Variants in OXR1 observed in about 807,000 individuals in gnomAD.
OXR1 encodes the protein oxidation resistance 1, also known as oxidation resistance protein 1.
A neutral mutation model predicts 104.6 loss-of-function variants in OXR1; 41 were observed. The ratio of observed to expected loss-of-function variants is 0.39; its 90% CI spans 0.31 to 0.51. The LOEUF is 0.51. Ranked by LOEUF, OXR1 falls within the 20% of genes least tolerant of loss-of-function variation. The probability of loss-of-function intolerance (pLI) is 0.77; values close to 1 mark genes in which losing one functional copy is unlikely to be tolerated. For missense variants in OXR1, 955 were observed against 1,031.9 expected (o/e 0.93, Z 1.02); for synonymous variants, 348 against 348.4 (o/e 1.00, Z 0.01).
intron 2 of OXR1, among the ~76,000 whole-genome samples, chr8:106,486,444 C>T (rs1409918397): frequency 6.6e-6 from 1 of 151,974 alleles, no homozygotes; most frequent in Non-Finnish European, 1.5e-5. Context: ...AGAAGTAAGA[C>T]ATATTAAGGA....
At chr8:106,309,979 C>T (rs926939963) in intron 1 of OXR1, among the ~76,000 whole-genome samples, 8 of 151,848 alleles carry the variant, frequency 5.3e-5, no homozygotes, top group African/African-American at 1.9e-4. Context: ...CGGTTTACCT[C>T]TGTGATTCTG....
chr8:106,292,199 A>C (rs932678952), intron 1 of OXR1, among the ~76,000 whole-genome samples: 3 of 152,164 alleles, frequency 2.0e-5, no homozygotes, highest in African/African-American at 7.2e-5. Flanking sequence ...TACTATTCAT[A>C]ATGGCCCCAA....
chr8:106,746,587 T>C (rs1432891306), intron 16 of OXR1, among the ~76,000 whole-genome samples: 1 of 152,210 alleles, frequency 6.6e-6, no homozygotes. Flanking sequence ...TGAGGATATA[T>C]AATGATAATT....
At chr8:106,339,557 A>T (rs1401518027) in intron 1 of OXR1, among the ~76,000 whole-genome samples, 8 of 125,176 alleles carry the variant, frequency 6.4e-5, no homozygotes, top group African/African-American at 1.6e-4. Flanking sequence ...TATATATATA[A>T]AACGAAATCA....
chr8:106,315,582 G>A (rs996276588), intron 1 of OXR1, among the ~76,000 whole-genome samples: 3 of 152,164 alleles, frequency 2.0e-5, no homozygotes, highest in African/African-American at 2.4e-5. Flanking sequence ...TCAGAAAAGC[G>A]GTTATTCATT....
intron 1 of OXR1, among the ~76,000 whole-genome samples, chr8:106,357,459 C>T (rs1377612541): frequency 6.6e-6 from 1 of 151,958 alleles, no homozygotes; most frequent in Non-Finnish European, 1.5e-5. Flanking sequence ...ACTGGCAGGC[C>T]AATATTATTA....
chr8:106,697,544 C>T, intron 7 of OXR1: 1 of 1,611,640 alleles, frequency 6.2e-7, no homozygotes, highest in Non-Finnish European at 8.5e-7. Flanking sequence ...CGAGGATTCT[C>T]CTTGGATTTC....
intron 11 of OXR1, among the ~76,000 whole-genome samples, chr8:106,726,747 A>C (rs1833382717): frequency 6.6e-6 from 1 of 152,140 alleles, no homozygotes; most frequent in Non-Finnish European, 1.5e-5. Flanking sequence ...ATCTGACTAA[A>C]AGGTTTTTTA....
intron 3 of OXR1, among the ~76,000 whole-genome samples, chr8:106,676,181 CTTTA>C (rs1266981530): frequency 6.6e-6 from 1 of 151,928 alleles, no homozygotes; most frequent in Non-Finnish European, 1.5e-5. Flanking sequence ...TTCTGCGTAC[CTTTA>C]TTTTGAGCCT....
chr8:106,616,765 T>A (rs961515091), intron 3 of OXR1, among the ~76,000 whole-genome samples: 1 of 152,238 alleles, frequency 6.6e-6, no homozygotes, highest in East Asian at 1.9e-4. Flanking sequence ...TGTCACTTCA[T>A]CACCTTGTAC....
intron 3 of OXR1, among the ~76,000 whole-genome samples, chr8:106,613,025 G>A (rs753043595): frequency 6.6e-6 from 1 of 152,072 alleles, no homozygotes; most frequent in African/African-American, 2.4e-5. Flanking sequence ...GAAAACAGGA[G>A]GCAAGTTGAC....
chr8:106,657,959 C>G (rs1364801212), intron 3 of OXR1: 1 of 1,248,340 alleles, frequency 8.0e-7, no homozygotes, highest in Non-Finnish European at 1.0e-6. Context: ...CTCCTGGGCC[C>G]CAGTTCCGCG....
At chr8:106,606,373 T>G (rs1465848236) in intron 3 of OXR1, among the ~76,000 whole-genome samples, 1 of 151,978 alleles carries the variant, frequency 6.6e-6, no homozygotes, top group Non-Finnish European at 1.5e-5. Context: ...TAATCTCGGA[T>G]CACTGCAACC....
At chr8:106,326,678 C>G (rs1586526935) in intron 1 of OXR1, among the ~76,000 whole-genome samples, 1 of 152,164 alleles carries the variant, frequency 6.6e-6, no homozygotes, top group East Asian at 1.9e-4. Flanking sequence ...AAAGAGCATT[C>G]CAGGCAGAGG....
intron 3 of OXR1, among the ~76,000 whole-genome samples, chr8:106,658,440 G>T (rs1475130373): frequency 6.6e-6 from 1 of 152,150 alleles, no homozygotes; most frequent in Admixed American, 6.5e-5. Flanking sequence ...ACCTAGACTT[G>T]ATTTTCTTTC....
intron 2 of OXR1, among the ~76,000 whole-genome samples, chr8:106,390,008 G>A (rs1460445300): frequency 6.6e-6 from 1 of 152,142 alleles, no homozygotes; most frequent in Admixed American, 6.6e-5. Context: ...AGAGGTTGCA[G>A]TGAGTTGAGA....
At chr8:106,291,949 G>A (rs1199068232) in intron 1 of OXR1, among the ~76,000 whole-genome samples, 1 of 152,050 alleles carries the variant, frequency 6.6e-6, no homozygotes, top group Non-Finnish European at 1.5e-5. Context: ...ACCCCCCAAC[G>A]GGTCCCTCCC....
intron 2 of OXR1, among the ~76,000 whole-genome samples, chr8:106,515,584 T>C (rs1281370454): frequency 6.6e-6 from 1 of 152,186 alleles, no homozygotes; most frequent in African/African-American, 2.4e-5. Context: ...TGTTCCAGGT[T>C]CATTCATGTT....
chr8:106,299,898 C>T (rs11991006), intron 1 of OXR1, among the ~76,000 whole-genome samples: 33,463 of 152,004 alleles, frequency 0.22, 5,462 homozygotes, highest in African/African-American at 0.46. Context: ...TGGGAAGAGA[C>T]GGACACGTTG....
Sources: gnomAD v4.1 joint callset for allele counts (sites outside exome capture counted in the v4.1 genomes callset) on GRCh38, gnomAD v4.1.1 for gene constraint, MANE v1.5 for transcripts, NCBI Gene and HGNC (gene_info 2026-07-23, HGNC 2026-07-21) for gene names.